The following CNTNAP2 variants were observed in gnomAD, a reference collection of about 807,000 sequenced individuals.
CNTNAP2 encodes contactin-associated protein-like 2.
A neutral mutation model predicts 155.2 loss-of-function variants in CNTNAP2; 98 were observed. That is an observed-to-expected ratio of 0.63 (90% confidence interval 0.54 to 0.75). The LOEUF is 0.75. Among genes scored for constraint, CNTNAP2 ranks in the 30% least tolerant of loss-of-function variants. The probability of loss-of-function intolerance (pLI) is 0.00; values close to 1 mark genes in which losing one functional copy is unlikely to be tolerated. For synonymous variants in CNTNAP2, 651 were observed against 631.2 expected (o/e 1.03, Z -0.47); for missense variants, 1,727 against 1,688.1 (o/e 1.02, Z -0.40).
chr7:146,448,392 A>AT (rs34055823), intron 1 of CNTNAP2, among the ~76,000 whole-genome samples: 15,582 of 149,778 alleles, frequency 0.1, 878 homozygotes, highest in African/African-American at 0.14. Context: ...AGAATATAGG[A>AT]TTTTTTTTTT....
chr7:147,779,000 T>A (rs769013392), intron 13 of CNTNAP2, among the ~76,000 whole-genome samples: 2 of 152,170 alleles, frequency 1.3e-5, no homozygotes, highest in Non-Finnish European at 2.9e-5. Flanking sequence ...CAGAAGATAT[T>A]CACAAAAATA....
intron 1 of CNTNAP2, among the ~76,000 whole-genome samples, chr7:146,270,425 T>G (rs1349994306): frequency 6.6e-6 from 1 of 152,182 alleles, no homozygotes. Context: ...GAATTTTGAT[T>G]GTTTTTGGCA....
chr7:146,551,773 G>A (rs567384848), intron 1 of CNTNAP2, among the ~76,000 whole-genome samples: 4 of 151,990 alleles, frequency 2.6e-5, no homozygotes, highest in Non-Finnish European at 5.9e-5. Context: ...TTTTGTGGTG[G>A]GCAGCATATG....
At chr7:147,146,567 T>C (rs1302074217) in intron 8 of CNTNAP2, 2 of 152,416 alleles carry the variant, frequency 1.3e-5, no homozygotes, top group Non-Finnish European at 2.9e-5. Context: ...GCTAGTATCA[T>C]ACTTGAAGAT....
intron 1 of CNTNAP2, among the ~76,000 whole-genome samples, chr7:146,267,743 C>T (rs1584837176): frequency 6.6e-6 from 1 of 152,132 alleles, no homozygotes; most frequent in Non-Finnish European, 1.5e-5. Context: ...TGCACATTCC[C>T]GTGGTTTGCA....
At chr7:146,899,813 C>T (rs1201956784) in intron 3 of CNTNAP2, among the ~76,000 whole-genome samples, 1 of 152,172 alleles carries the variant, frequency 6.6e-6, no homozygotes, top group East Asian at 1.9e-4. Context: ...TCAGAACCAT[C>T]CTCCAAAACA....
intron 1 of CNTNAP2, among the ~76,000 whole-genome samples, chr7:146,137,244 G>A (rs568805703): frequency 1.0e-3 from 158 of 152,200 alleles, no homozygotes; most frequent in African/African-American, 3.8e-3. Context: ...AGACTAACAA[G>A]TAAATCATAA....
At chr7:147,136,124 T>C (rs1332678478) in intron 8 of CNTNAP2, among the ~76,000 whole-genome samples, 2 of 151,908 alleles carry the variant, frequency 1.3e-5, no homozygotes, top group African/African-American at 2.4e-5. Context: ...TACTCAGTTG[T>C]CGTCTGCCAA....
At chr7:146,581,594 G>A (rs114690350) in intron 1 of CNTNAP2, among the ~76,000 whole-genome samples, 1,603 of 151,558 alleles carry the variant, frequency 0.011, 19 homozygotes, top group African/African-American at 0.037. Context: ...TTGTAAAATG[G>A]TTATCAAAGG....
At chr7:147,874,558 G>A (rs1231097082) in intron 13 of CNTNAP2, among the ~76,000 whole-genome samples, 1 of 152,292 alleles carries the variant, frequency 6.6e-6, no homozygotes, top group African/African-American at 2.4e-5. Flanking sequence ...CCTGGGCCCA[G>A]CCCATGAAAC....
chr7:147,210,486 T>C (rs973044596), intron 8 of CNTNAP2, among the ~76,000 whole-genome samples: 19 of 152,012 alleles, frequency 1.2e-4, no homozygotes, highest in African/African-American at 4.6e-4. Context: ...TTCTCTCAGA[T>C]TTTCATTTGT....
At chr7:147,631,828 A>T (rs1795090867) in intron 12 of CNTNAP2, among the ~76,000 whole-genome samples, 1 of 152,214 alleles carries the variant, frequency 6.6e-6, no homozygotes, top group Admixed American at 6.5e-5. Flanking sequence ...GTAAAAAATC[A>T]ACTCAAGATT....
intron 1 of CNTNAP2, among the ~76,000 whole-genome samples, chr7:146,616,534 G>C (rs1044386795): frequency 6.6e-6 from 1 of 152,028 alleles, no homozygotes; most frequent in Non-Finnish European, 1.5e-5. Flanking sequence ...TTGTTCAGAT[G>C]GTTGGTGTTT....
intron 9 of CNTNAP2, among the ~76,000 whole-genome samples, chr7:147,333,110 T>C (rs1025780875): frequency 6.6e-6 from 1 of 152,034 alleles, no homozygotes; most frequent in Non-Finnish European, 1.5e-5. Context: ...AGAACACACA[T>C]TGGGAAACTG....
At chr7:146,219,649 T>C (rs976002864) in intron 1 of CNTNAP2, among the ~76,000 whole-genome samples, 2 of 152,184 alleles carry the variant, frequency 1.3e-5, no homozygotes, top group African/African-American at 4.8e-5. Flanking sequence ...TTTTCAAAAG[T>C]CTCAGGTAAA....
At chr7:146,446,515 T>G (rs1796404672) in intron 1 of CNTNAP2, among the ~76,000 whole-genome samples, 1 of 152,124 alleles carries the variant, frequency 6.6e-6, no homozygotes, top group Non-Finnish European at 1.5e-5. Flanking sequence ...CATTTATTCT[T>G]AAAAACAAAT....
chr7:148,103,346 C>G (rs1245286407), intron 15 of CNTNAP2, among the ~76,000 whole-genome samples: 1 of 152,064 alleles, frequency 6.6e-6, no homozygotes, highest in East Asian at 1.9e-4. Flanking sequence ...CACGCAGCAG[C>G]AACTTCTGGT....
intron 8 of CNTNAP2, among the ~76,000 whole-genome samples, chr7:147,138,575 T>C (rs143753070): frequency 0.011 from 1,646 of 152,058 alleles, 21 homozygotes; most frequent in African/African-American, 0.037. Flanking sequence ...AATCTACCTT[T>C]AATTATACTG....
At chr7:146,899,890 G>A (rs1339699811) in intron 3 of CNTNAP2, among the ~76,000 whole-genome samples, 1 of 152,186 alleles carries the variant, frequency 6.6e-6, no homozygotes, top group South Asian at 2.1e-4. Flanking sequence ...GTTTATGGGA[G>A]CTTTTGGATA....
Sources: gnomAD v4.1 joint callset for allele counts (sites outside exome capture counted in the v4.1 genomes callset) on GRCh38, gnomAD v4.1.1 for gene constraint, MANE v1.5 for transcripts, NCBI Gene and HGNC (gene_info 2026-07-23, HGNC 2026-07-21) for gene names.